MAP4K3: variants seen among roughly 807,000 people sequenced by gnomAD.
MAP4K3 encodes the protein mitogen-activated protein kinase kinase kinase kinase 3.
Under a neutral mutation model 143.5 loss-of-function variants are expected in MAP4K3, and 94 were observed. The ratio of observed to expected loss-of-function variants is 0.65; its 90% CI spans 0.55 to 0.78. The LOEUF is 0.78. Among genes scored for constraint, MAP4K3 ranks in the 30% least tolerant of loss-of-function variants. The pLI, the probability that MAP4K3 is intolerant of heterozygous loss-of-function variation, is 0.00. For missense variants in MAP4K3, 1,077 were observed against 1,068.1 expected, an observed-to-expected ratio of 1.01 and a Z score of -0.12; for synonymous variants, 416 against 347.2, an observed-to-expected ratio of 1.20 and a Z score of -2.20.
chr2:39,277,425 C>T (rs1681313843), intron 24 of MAP4K3, among the ~76,000 whole-genome samples: 1 of 152,232 alleles, frequency 6.6e-6, no homozygotes, highest in Non-Finnish European at 1.5e-5. Flanking sequence ...ATCTTATACT[C>T]ATTCCTAATA....
At chr2:39,251,495 T>C (rs910779663) in intron 33 of MAP4K3, among the ~76,000 whole-genome samples, 1 of 152,204 alleles carries the variant, frequency 6.6e-6, no homozygotes, top group Non-Finnish European at 1.5e-5. Context: ...ACCAATGTCT[T>C]ACAGTCAATC....
At chr2:39,390,600 G>T (rs924173320) in intron 1 of MAP4K3, among the ~76,000 whole-genome samples, 3 of 152,172 alleles carry the variant, frequency 2.0e-5, no homozygotes, top group Admixed American at 1.3e-4. Context: ...AGAGGCACTG[G>T]AGGAAGGGAT....
At chr2:39,322,643 C>CAT (rs1290006767) in intron 12 of MAP4K3, among the ~76,000 whole-genome samples, 122 of 146,582 alleles carry the variant, frequency 8.3e-4, no homozygotes, top group African/African-American at 2.7e-3. Flanking sequence ...GATAAATACA[C>CAT]ATATATATAT....
At chr2:39,416,669 T>G (rs968654771) in intron 1 of MAP4K3, among the ~76,000 whole-genome samples, 1 of 152,254 alleles carries the variant, frequency 6.6e-6, no homozygotes, top group African/African-American at 2.4e-5. Flanking sequence ...AATTTACTCT[T>G]TTCTAACCAC....
intron 2 of MAP4K3, among the ~76,000 whole-genome samples, chr2:39,373,546 T>A (rs972863953): frequency 2.6e-5 from 4 of 152,164 alleles, no homozygotes; most frequent in African/African-American, 9.7e-5. Context: ...TAAGTGTCCA[T>A]CAACAGATGA....
intron 1 of MAP4K3, among the ~76,000 whole-genome samples, chr2:39,430,572 T>G (rs914885601): frequency 6.6e-6 from 1 of 151,806 alleles, no homozygotes; most frequent in Admixed American, 6.6e-5. Flanking sequence ...GAATCGAAGG[T>G]TTTTTTTGTA....
In MAP4K3 at chr2:39,276,093, G is replaced by A. The variant is rs561062146; in HGVS notation, c.1794+2314C>T. The stretch of plus-strand genomic sequence containing the variant: ...TCACCTTATTTGTTAGGCTGGTGTC[G>A]AACTCCTGACCTCAGGTGACCACCC... On this transcript the variant is annotated intron_variant, in intron 24 of 33. Coordinates refer to ENST00000263881, the MANE Select transcript of MAP4K3 (RefSeq NM_003618.4). 5.0e-4 allele frequency among the ~76,000 whole-genome samples: 76 copies of A among 152,044 alleles called. No homozygotes were observed. The South Asian group carries it at 6.9e-3, about 14-fold the overall frequency.
intron 2 of MAP4K3, among the ~76,000 whole-genome samples, chr2:39,359,958 C>A (rs1665720587): frequency 6.6e-6 from 1 of 152,214 alleles, no homozygotes; most frequent in Admixed American, 6.5e-5. Flanking sequence ...TCTGAAATGC[C>A]CTGGAGACAT....
At position 39,353,736 on chromosome 2, in the gene MAP4K3, T is replaced by TAGC. The variant is rs150401154; in HGVS notation, c.245+2510_245+2512dup. Among the ~76,000 whole-genome samples the TAGC allele has an allele frequency of 8.5e-3, 1,291 of 151,282 alleles. 19 individuals are homozygous for TAGC. Among genetic ancestry groups the TAGC allele is most frequent in the African/African-American group, 0.028 (1,128 of 40,982 alleles). Reference sequence around the variant, plus strand: ...TTAAAAAGTTAAGAAGTAGTAGTAGTAGCAGCAGCAGCAGCAGCAGCAGCA... The same window carrying TAGC: ...TTAAAAAGTTAAGAAGTAGTAGTAGTAGCAGCAGCAGCAGCAGCAGCAGCAGCA... On this transcript the variant is annotated intron_variant, in intron 3 of 33. Coordinates refer to ENST00000263881, the MANE Select transcript of MAP4K3 (RefSeq NM_003618.4).
intron 2 of MAP4K3, among the ~76,000 whole-genome samples, chr2:39,373,742 A>G (rs1272232384): frequency 6.6e-6 from 1 of 152,228 alleles, no homozygotes; most frequent in Non-Finnish European, 1.5e-5. Context: ...ACTCAAAACA[A>G]TTGAACTTAA....
intron 2 of MAP4K3, among the ~76,000 whole-genome samples, chr2:39,369,394 G>A (rs895570773): frequency 1.3e-5 from 2 of 151,800 alleles, no homozygotes; most frequent in South Asian, 2.1e-4. Flanking sequence ...TGATCTGCCC[G>A]CCTCGGCCTC....
chr2:39,379,411 T>C (rs1666304168), intron 1 of MAP4K3, among the ~76,000 whole-genome samples: 1 of 152,072 alleles, frequency 6.6e-6, no homozygotes, highest in African/African-American at 2.4e-5. Flanking sequence ...CAAAAGAGAT[T>C]TGAAGACTTA....
intron 1 of MAP4K3, among the ~76,000 whole-genome samples, chr2:39,380,679 A>G (rs1342986697): frequency 6.6e-6 from 1 of 152,144 alleles, no homozygotes; most frequent in Non-Finnish European, 1.5e-5. Context: ...TGCTCCCACA[A>G]TGATGTTCTC....
chr2:39,406,548 C>T (rs552610209), intron 1 of MAP4K3, among the ~76,000 whole-genome samples: 21 of 152,210 alleles, frequency 1.4e-4, no homozygotes, highest in Admixed American at 1.3e-3. Flanking sequence ...CAGTGGGAGC[C>T]TTACAGGCCA....
chr2:39,347,481 T>C (rs754314352), intron 3 of MAP4K3, among the ~76,000 whole-genome samples: 9 of 152,168 alleles, frequency 5.9e-5, no homozygotes, highest in Non-Finnish European at 1.3e-4. Context: ...GGGGTCTGCT[T>C]AGAATTAACA....
chr2:39,290,373 T>C (rs1027182638), intron 18 of MAP4K3, 39 bp from the exon 19 acceptor site: 7 of 1,314,414 alleles, frequency 5.3e-6, no homozygotes, highest in Non-Finnish European at 7.5e-6. Flanking sequence ...CTATTCATTT[T>C]ACAAATGAAT....
chr2:39,364,053 C>G (rs1665849549), intron 2 of MAP4K3, among the ~76,000 whole-genome samples: 2 of 150,046 alleles, frequency 1.3e-5, no homozygotes, highest in Admixed American at 1.3e-4. Context: ...ATACCCCCGT[C>G]CACTGTTGAT....
At chr2:39,389,400 T>C (rs1421741449) in intron 1 of MAP4K3, among the ~76,000 whole-genome samples, 4 of 151,866 alleles carry the variant, frequency 2.6e-5, no homozygotes, top group Non-Finnish European at 5.9e-5. Flanking sequence ...TGGCTGAAAT[T>C]TTTCCAGAAT....
At chr2:39,342,052 C>T (rs2148533938) in intron 4 of MAP4K3, among the ~76,000 whole-genome samples, 1 of 151,920 alleles carries the variant, frequency 6.6e-6, no homozygotes, top group East Asian at 1.9e-4. Flanking sequence ...TGAGTCACAC[C>T]TTCATGTTAC....
Sources: gnomAD v4.1 joint callset for allele counts (sites outside exome capture counted in the v4.1 genomes callset) on GRCh38, gnomAD v4.1.1 for gene constraint, MANE v1.5 for transcripts, NCBI Gene and HGNC (gene_info 2026-07-23, HGNC 2026-07-21) for gene names.